NTNG1: variants seen among roughly 807,000 people sequenced by gnomAD.
NTNG1 encodes netrin G1, also known as netrin-G1.
A neutral mutation model predicts 54.0 loss-of-function variants in NTNG1; 16 were observed. That is an observed-to-expected ratio of 0.30 (90% CI 0.20 to 0.45). The LOEUF is 0.45. NTNG1 is among the 20% of genes least tolerant of loss of function. The pLI is 1.00. For synonymous variants in NTNG1, 255 were observed against 263.1 expected (o/e 0.97, Z 0.30); for missense variants, 530 against 678.7 (o/e 0.78, Z 2.43).
At chr1:107,199,837 T>C (rs1658604038) in intron 2 of NTNG1, among the ~76,000 whole-genome samples, 2 of 23,960 alleles carry the variant, frequency 8.3e-5, no homozygotes, top group Non-Finnish European at 2.0e-4. Context: ...AAGAAATCCA[T>C]TGTCATCCTT....
chr1:107,191,709 C>G (rs539208122), intron 2 of NTNG1, among the ~76,000 whole-genome samples: 17,254 of 147,624 alleles, frequency 0.12, 2,120 homozygotes, highest in African/African-American at 0.33. Context: ...GCTTGTTTTT[C>G]TCAGGTTTGT....
At chr1:107,386,141 ATATG>A (rs1285710978) in intron 3 of NTNG1, among the ~76,000 whole-genome samples, 66 of 101,462 alleles carry the variant, frequency 6.5e-4, no homozygotes, top group African/African-American at 1.5e-3. Flanking sequence ...GTATATATAT[ATATG>A]TGTGTATATA....
intron 2 of NTNG1, among the ~76,000 whole-genome samples, chr1:107,173,880 C>T (rs752255196): frequency 1.3e-5 from 2 of 151,778 alleles, no homozygotes; most frequent in Non-Finnish European, 2.9e-5. Flanking sequence ...ATATGGAATC[C>T]GAATTCCATC....
chr1:107,212,189 C>T (rs2101388522), intron 2 of NTNG1, among the ~76,000 whole-genome samples: 1 of 152,190 alleles, frequency 6.6e-6, no homozygotes, highest in East Asian at 1.9e-4. Context: ...GTTGTAGTAG[C>T]ATCGCCCACA....
At position 107,426,220 on chromosome 1, in the gene NTNG1, C is replaced by T. The variant is rs551664046; in HGVS notation, c.1088-4530C>T. Among the ~76,000 whole-genome samples the T allele has an allele frequency of 4.6e-4, 70 of 151,654 alleles. No homozygotes were observed. The South Asian group carries it at 0.012, about 25-fold the overall frequency. ...TTTGTTTTTGTTGTATTTGTTTTTT[C>T]GGTCTTCATTATAAATTCTTTGCCT... On this transcript the variant is annotated intron_variant, in intron 5 of 7. Coordinates refer to ENST00000370068, the MANE Select transcript of NTNG1 (RefSeq NM_001113226.3).
At chr1:107,291,772 A>G (rs892759973) in intron 2 of NTNG1, among the ~76,000 whole-genome samples, 11 of 152,202 alleles carry the variant, frequency 7.2e-5, no homozygotes, top group African/African-American at 2.4e-5. Flanking sequence ...TCTAAATTCT[A>G]TCTAAAACCA....
At chr1:107,207,758 G>A (rs1659303616) in intron 2 of NTNG1, among the ~76,000 whole-genome samples, 1 of 152,138 alleles carries the variant, frequency 6.6e-6, no homozygotes, top group Admixed American at 6.5e-5. Flanking sequence ...GAAGTGATAA[G>A]AGATACTTTC....
chr1:107,142,984 A>G (rs1039818038), intron 1 of NTNG1: 1 of 152,190 alleles, frequency 6.6e-6, no homozygotes, highest in African/African-American at 2.4e-5. Flanking sequence ...TTTCATTAAG[A>G]TAAAATTTGG....
At chr1:107,376,887 A>G (rs1047166402) in intron 3 of NTNG1, among the ~76,000 whole-genome samples, 21 of 152,112 alleles carry the variant, frequency 1.4e-4, no homozygotes, top group Admixed American at 1.1e-3. Flanking sequence ...GTTCCTTTGT[A>G]ACTATCTGAA....
chr1:107,330,505 A>G (rs376240010), intron 3 of NTNG1, among the ~76,000 whole-genome samples: 2 of 152,146 alleles, frequency 1.3e-5, no homozygotes, highest in East Asian at 3.9e-4. Context: ...ATTTGCTTAC[A>G]AAGTCAGTAG....
intron 5 of NTNG1, chr1:107,421,282 C>T (rs916265247): frequency 2.2e-5 from 13 of 582,628 alleles, no homozygotes; most frequent in Middle Eastern, 5.7e-4. Flanking sequence ...ATCAATGCAT[C>T]GAATAGTACT....
chr1:107,159,929 T>C (rs1655286950), intron 2 of NTNG1, among the ~76,000 whole-genome samples: 2 of 152,238 alleles, frequency 1.3e-5, no homozygotes, highest in South Asian at 2.1e-4. Context: ...GGAAATAAGC[T>C]GTTAGAAATC....
At chr1:107,479,443 A>G (rs968142132) in intron 7 of NTNG1, among the ~76,000 whole-genome samples, 2 of 151,904 alleles carry the variant, frequency 1.3e-5, no homozygotes, top group Non-Finnish European at 2.9e-5. Flanking sequence ...TAGTGTGTTG[A>G]ACTCATGTGG....
At chr1:107,416,235 T>A (rs1674189355) in intron 5 of NTNG1, among the ~76,000 whole-genome samples, 1 of 152,066 alleles carries the variant, frequency 6.6e-6, no homozygotes, top group Non-Finnish European at 1.5e-5. Flanking sequence ...TGATCCGGAT[T>A]TTCATATGAT....
At chr1:107,142,472 C>T (rs1003216162) in intron 1 of NTNG1, among the ~76,000 whole-genome samples, 1 of 151,816 alleles carries the variant, frequency 6.6e-6, no homozygotes, top group Non-Finnish European at 1.5e-5. Flanking sequence ...GTAGACGGTC[C>T]TCCTCTCTCA....
intron 3 of NTNG1, among the ~76,000 whole-genome samples, chr1:107,386,012 A>G (rs772054111): frequency 2.7e-5 from 4 of 147,118 alleles, no homozygotes; most frequent in Non-Finnish European, 4.5e-5. Context: ...CCACTAATCT[A>G]CTTTCTGTCT....
rs1409007990 is a variant in NTNG1, at chr1:107,148,202, C to T, written c.-392C>T. ...TGTGAGCTGTGAACATTGAGGATCA[C>T]TCAGGGTTATCGGATGTACAACGGG... On this transcript the variant is annotated 5_prime_UTR_variant, in exon 2 of 8. Transcript: ENST00000370068. 1 of 173,026 alleles carries T rather than the reference C, an allele frequency of 5.8e-6. No individual in the cohort carries two copies. Among genetic ancestry groups the T allele is most frequent in the African/African-American group, 2.4e-5 (1 of 41,726 alleles). 10.7% of individuals were successfully genotyped at this position (173,026 alleles called of 1,614,324 possible).
In NTNG1 at chr1:107,457,182, C is replaced by G. The variant is rs146108461; in HGVS notation, c.1390+20383C>G. On this transcript the variant is annotated intron_variant, in intron 7 of 7. Coordinates refer to ENST00000370068, the MANE Select transcript of NTNG1 (RefSeq NM_001113226.3). ...TGTTCTCCTTCATTAAGAAATCACT[C>G]TTGGAGAGAAATAAAAGCCAGTAGA... Among the ~76,000 whole-genome samples the G allele has an allele frequency of 1.4e-4, 22 of 152,316 alleles. 1 individual carries two copies. Among genetic ancestry groups the G allele is most frequent in the African/African-American group, 4.8e-4 (20 of 41,572 alleles).
intron 3 of NTNG1, among the ~76,000 whole-genome samples, chr1:107,338,012 A>G (rs1570711641): frequency 2.0e-5 from 3 of 152,154 alleles, no homozygotes; most frequent in Middle Eastern, 6.8e-3. Context: ...TTAATATCAG[A>G]CTGAGTTTTT....
Sources: gnomAD v4.1 joint callset for allele counts (sites outside exome capture counted in the v4.1 genomes callset) on GRCh38, gnomAD v4.1.1 for gene constraint, MANE v1.5 for transcripts, NCBI Gene and HGNC (gene_info 2026-07-23, HGNC 2026-07-21) for gene names.